COMMD7: variants seen among roughly 807,000 people sequenced by gnomAD.
The protein encoded by COMMD7 is COMM domain containing 7, also known as COMM domain-containing protein 7.
A neutral mutation model predicts 34.8 loss-of-function variants in COMMD7; 28 were observed. The ratio of observed to expected loss-of-function variants is 0.80; its 90% CI spans 0.60 to 1.10. The LOEUF (loss-of-function observed/expected upper bound fraction) is 1.10. Ranked by LOEUF, COMMD7 falls within the 50% of genes least tolerant of loss-of-function variation. The pLI is 0.00. For missense variants in COMMD7, 211 were observed against 241.6 expected (o/e 0.87, Z 0.84); for synonymous variants, 80 against 86.4 (o/e 0.93, Z 0.41).
chr20:32,706,900 C>T, intron 3 of COMMD7, 140 bp from the exon 4 acceptor site: 1 of 647,190 alleles, frequency 1.5e-6, no homozygotes, highest in Non-Finnish European at 2.8e-6. Flanking sequence ...CTCAATCCAG[C>T]CATGGGGAAA....
Position 32,742,214 on chromosome 20 carries a change from A to G in COMMD7, c.84+1094T>C, listed in dbSNP as rs549637323. 3.3e-5 allele frequency among the ~76,000 whole-genome samples: 5 copies of G among 152,236 alleles called. No individual in the cohort carries two copies. In the East Asian group the frequency reaches 7.7e-4, roughly 23 times the overall value. On this transcript the variant is annotated intron_variant, in intron 1 of 8. Coordinates refer to ENST00000278980, the MANE Select transcript of COMMD7 (RefSeq NM_053041.3). ...AAAAAAAAAATTAATTTCCATTTCT[A>G]TTTAATTTTTAAATGTGGCTACTAC...
chr20:32,703,574 C>A, intron 8 of COMMD7, 116 bp from the exon 9 acceptor site: 1 of 1,471,824 alleles, frequency 6.8e-7, no homozygotes. Flanking sequence ...TACATCTAAG[C>A]AGCTCTTGAT....
At chr20:32,738,708 A>T (rs546396587) in intron 1 of COMMD7, among the ~76,000 whole-genome samples, 1 of 152,072 alleles carries the variant, frequency 6.6e-6, no homozygotes, top group South Asian at 2.1e-4. Flanking sequence ...GGCATGAGCC[A>T]CCTTGCCTGG....
At chr20:32,725,483 C>G (rs568215459) in intron 3 of COMMD7, among the ~76,000 whole-genome samples, 1 of 138,956 alleles carries the variant, frequency 7.2e-6, no homozygotes, top group East Asian at 2.1e-4. Flanking sequence ...GGCTGGAGTG[C>G]AGTGGCACGG....
In COMMD7 at chr20:32,733,952, G is replaced by T. The variant is rs931152699; in HGVS notation, c.85-5810C>A. 2.6e-5 allele frequency among the ~76,000 whole-genome samples: 4 copies of T among 151,160 alleles called. No homozygotes were observed. In the East Asian group the frequency reaches 7.8e-4, roughly 30 times the overall value. ...CCAATACTTAGGGAGGCCGAGGCGC[G>T]CAGATCATGAGGTCAGGAGACAGAG... On this transcript the variant is annotated intron_variant, in intron 1 of 8. Coordinates refer to ENST00000278980, the MANE Select transcript of COMMD7 (RefSeq NM_053041.3).
chr20:32,719,492 T>C (rs1470829916), intron 3 of COMMD7, among the ~76,000 whole-genome samples: 1 of 151,682 alleles, frequency 6.6e-6, no homozygotes, highest in African/African-American at 2.4e-5. Context: ...CTAATAAAAA[T>C]ACAAAAAATT....
At chr20:32,714,882 C>A (rs1407095734) in intron 3 of COMMD7, among the ~76,000 whole-genome samples, 1 of 141,972 alleles carries the variant, frequency 7.0e-6, no homozygotes, top group Non-Finnish European at 1.5e-5. Flanking sequence ...AGTGCGCATG[C>A]CTGTAATCCC....
chr20:32,730,955 C>G (rs762572377), intron 1 of COMMD7, among the ~76,000 whole-genome samples: 1 of 152,160 alleles, frequency 6.6e-6, no homozygotes, highest in Non-Finnish European at 1.5e-5. Flanking sequence ...GTTAAATGCA[C>G]CTATCCCTTC....
rs544119716 is a variant in COMMD7 at position 32,713,443 on chromosome 20, C to T, written c.242-6683G>A. 3.3e-5 allele frequency among the ~76,000 whole-genome samples: 5 copies of T among 152,314 alleles called. No homozygotes were observed. In the East Asian group the frequency reaches 9.6e-4, roughly 29 times the overall value. On this transcript the variant is annotated intron_variant, in intron 3 of 8. Coordinates refer to ENST00000278980, the MANE Select transcript of COMMD7 (RefSeq NM_053041.3). ...ACAAAACAAAGGGAAGTGAGGGTGA[C>T]GACTTCAGTTTTGCCAAGACGGTTG...
intron 3 of COMMD7, 84 bp downstream of exon 3, chr20:32,727,809 C>G (rs767546050): frequency 2.6e-6 from 3 of 1,162,524 alleles, no homozygotes; most frequent in Non-Finnish European, 3.9e-6. Flanking sequence ...GCTTGGCCCA[C>G]GGAGCATGCT....
intron 7 of COMMD7, 53 bp from the exon 8 acceptor site, chr20:32,704,124 G>T (rs979941276): frequency 1.7e-5 from 23 of 1,328,496 alleles, no homozygotes; most frequent in Non-Finnish European, 2.0e-5. Flanking sequence ...ACTGGGCAAA[G>T]AAATTCTTAA....
Position 32,743,296 on chromosome 20 carries a change from C to A in COMMD7, c.84+12G>T, listed in dbSNP as rs934610264. ...CTGGGCCCCGCGCCCCACGCCCCGC[C>A]GCCGGGCCCACCTGCGCGCCCAGCT... On this transcript the variant is annotated intron_variant, in intron 1 of 8. Coordinates refer to ENST00000278980, the MANE Select transcript of COMMD7 (RefSeq NM_053041.3). 8 of 1,514,068 alleles carry A rather than the reference C, an allele frequency of 5.3e-6. No individual in the cohort carries two copies. Among genetic ancestry groups the A allele is most frequent in the Admixed American group, 2.0e-5 (1 of 48,790 alleles). 93.8% of individuals were successfully genotyped at this position (1,514,068 alleles called of 1,614,324 possible).
chr20:32,722,246 G>GAAA (rs747223357), intron 3 of COMMD7, among the ~76,000 whole-genome samples: 4,366 of 36,866 alleles, frequency 0.12, 444 homozygotes, highest in East Asian at 0.26. Flanking sequence ...ACTCTGTCTC[G>GAAA]AAAAAAAAAA....
chr20:32,709,701 C>A (rs1429699347), intron 3 of COMMD7, among the ~76,000 whole-genome samples: 1 of 152,066 alleles, frequency 6.6e-6, no homozygotes, highest in African/African-American at 2.4e-5. Flanking sequence ...CTCTTAGAAC[C>A]CCTAGGCTCT....
intron 3 of COMMD7, among the ~76,000 whole-genome samples, chr20:32,727,144 T>C (rs1600994358): frequency 6.6e-6 from 1 of 151,814 alleles, no homozygotes; most frequent in Non-Finnish European, 1.5e-5. Context: ...GGAGGATCAC[T>C]TGAGCCTAGG....
Position 32,704,016 on chromosome 20 carries a change from G to C in COMMD7, c.526+7C>G, listed in dbSNP as rs1295216180. The C allele has an allele frequency of 1.9e-6, 3 of 1,614,086 alleles. No homozygotes were observed. The Admixed American group carries it at 5.0e-5, about 27-fold the overall frequency. ...GTGAAGAGGCTCAAGTGGGAATTCA[G>C]ACTCACCTATATACACATTTTCGGT... On this transcript the variant is annotated splice_region_variant and intron_variant, in intron 8 of 8. Transcript: ENST00000278980.
intron 3 of COMMD7, among the ~76,000 whole-genome samples, chr20:32,718,044 G>A (rs1312978203): frequency 2.0e-5 from 3 of 151,394 alleles, no homozygotes; most frequent in Non-Finnish European, 4.4e-5. Context: ...AGCCGAGATC[G>A]TGCCACTGCA....
chr20:32,727,745 G>T, intron 3 of COMMD7, 148 bp downstream of exon 3: 1 of 659,292 alleles, frequency 1.5e-6, no homozygotes, highest in South Asian at 1.8e-5. Context: ...TGTTACGTGG[G>T]CTCCCTCCAG....
intron 3 of COMMD7, among the ~76,000 whole-genome samples, chr20:32,712,918 AT>A (rs1306412488): frequency 2.0e-5 from 3 of 148,292 alleles, no homozygotes; most frequent in African/African-American, 5.0e-5. Context: ...TGCCCGGCTA[AT>A]TTTTTGTATT....
Sources: gnomAD v4.1 joint callset for allele counts (sites outside exome capture counted in the v4.1 genomes callset) on GRCh38, gnomAD v4.1.1 for gene constraint, MANE v1.5 for transcripts, NCBI Gene and HGNC (gene_info 2026-07-23, HGNC 2026-07-21) for gene names.